The following TRHDE variants were observed in gnomAD, a reference collection of about 807,000 sequenced individuals.
TRHDE encodes thyrotropin-releasing hormone-degrading ectoenzyme.
Under a neutral mutation model 125.7 loss-of-function variants are expected in TRHDE, and 72 were observed. The observed-to-expected ratio is 0.57, with a 90% confidence interval of 0.47 to 0.70. The LOEUF is 0.70. Among genes scored for constraint, TRHDE ranks in the 30% least tolerant of loss-of-function variants. TRHDE has a pLI of 0.00. For missense variants in TRHDE, 1,110 were observed against 1,327.1 expected, an observed-to-expected ratio of 0.84 and a Z score of 2.54; for synonymous variants, 509 against 509.1, an observed-to-expected ratio of 1.00 and a Z score of 0.00.
At chr12:72,109,300 A>T (rs889620110) in intron 2 of TRHDE, among the ~76,000 whole-genome samples, 5 of 152,032 alleles carry the variant, frequency 3.3e-5, no homozygotes, top group Non-Finnish European at 5.9e-5. Context: ...ACTATAAAAG[A>T]TGCTATTTTT....
intron 2 of TRHDE, among the ~76,000 whole-genome samples, chr12:72,321,842 A>C (rs901559299): frequency 2.0e-5 from 3 of 151,994 alleles, no homozygotes; most frequent in African/African-American, 4.8e-5. Context: ...CTCTCTGCCT[A>C]GTTGTGGATA....
At chr12:72,376,254 C>A (rs112095975) in intron 2 of TRHDE, among the ~76,000 whole-genome samples, 17 of 152,296 alleles carry the variant, frequency 1.1e-4, no homozygotes, top group African/African-American at 3.8e-4. Context: ...AGTTTATTAT[C>A]CTCCATTTTC....
intron 2 of TRHDE, among the ~76,000 whole-genome samples, chr12:72,223,867 A>G (rs1878048324): frequency 2.0e-5 from 3 of 150,892 alleles, no homozygotes. Context: ...CCTCTAATTC[A>G]CCCTTGGCCA....
At chr12:72,249,550 C>G (rs551660205) in intron 2 of TRHDE, among the ~76,000 whole-genome samples, 1 of 152,038 alleles carries the variant, frequency 6.6e-6, no homozygotes, top group South Asian at 2.1e-4. Flanking sequence ...AGCTGGTAAG[C>G]ACATACAAAG....
intron 17 of TRHDE, among the ~76,000 whole-genome samples, chr12:72,654,218 C>T (rs1006028208): frequency 1.3e-5 from 2 of 152,102 alleles, no homozygotes; most frequent in Non-Finnish European, 2.9e-5. Flanking sequence ...TGTAAATCAG[C>T]GTTCAGGGCA....
In TRHDE at chr12:72,664,709, T is replaced by C. The variant is rs1419372664; in HGVS notation, c.*1514T>C. ...GTCTTATTTTCCTGAGGTTTTTCAC[T>C]CCACCAAATCTTACAAATCATTGAA... On this transcript the variant is annotated 3_prime_UTR_variant, in exon 19 of 19. Coordinates refer to ENST00000261180, the MANE Select transcript of TRHDE (RefSeq NM_013381.3). The C allele has an allele frequency of 6.6e-6, 1 of 152,080 alleles. No individual in the cohort carries two copies. The highest frequency in any genetic ancestry group is 2.4e-5 in the African/African-American group (1 of 41,440). 9.4% of individuals were successfully genotyped at this position (152,080 alleles called of 1,614,324 possible). A position where few individuals can be genotyped will look rare whatever the true frequency, so the allele number is the denominator to read the frequency against.
intron 6 of TRHDE, among the ~76,000 whole-genome samples, chr12:72,526,654 A>G (rs556553808): frequency 3.2e-4 from 49 of 152,248 alleles, no homozygotes; most frequent in Admixed American, 8.5e-4. Context: ...GCCATAGTTC[A>G]TCCTTTACTA....
At chr12:72,586,028 T>A (rs975511979) in intron 12 of TRHDE, among the ~76,000 whole-genome samples, 1 of 152,208 alleles carries the variant, frequency 6.6e-6, no homozygotes, top group Admixed American at 6.5e-5. Flanking sequence ...TAATCATCTT[T>A]CTTACTAAAC....
chr12:72,410,329 A>G (rs1376757980), intron 3 of TRHDE, among the ~76,000 whole-genome samples: 1 of 152,156 alleles, frequency 6.6e-6, no homozygotes, highest in Non-Finnish European at 1.5e-5. Flanking sequence ...TCTACCAAAC[A>G]GTAAAATAAT....
At chr12:72,276,978 G>T (rs543810323) in intron 1 of TRHDE, among the ~76,000 whole-genome samples, 1 of 152,278 alleles carries the variant, frequency 6.6e-6, no homozygotes, top group South Asian at 2.1e-4. Flanking sequence ...GCGCACCCGT[G>T]TTCAAAGTAG....
In TRHDE at chr12:72,665,389, T is replaced by C. The variant is rs1875077491; in HGVS notation, c.*2194T>C. The C allele has an allele frequency of 6.6e-6, 1 of 152,466 alleles. No homozygotes were observed. Among genetic ancestry groups the C allele is most frequent in the Admixed American group, 6.6e-5 (1 of 15,224 alleles). 9.4% of individuals were successfully genotyped at this position (152,466 alleles called of 1,614,324 possible). ...TTTATCTACAATCTCAAATCCTAAG[T>C]GTATAATTATGTGCAATGTTCAATA... On this transcript the variant is annotated 3_prime_UTR_variant, in exon 19 of 19. Transcript: ENST00000261180.
At chr12:72,384,058 A>C (rs993829086) in intron 3 of TRHDE, among the ~76,000 whole-genome samples, 4 of 152,212 alleles carry the variant, frequency 2.6e-5, no homozygotes, top group African/African-American at 9.6e-5. Context: ...ACCTGAAGAC[A>C]TGTGAGTATT....
intron 10 of TRHDE, among the ~76,000 whole-genome samples, chr12:72,573,111 A>G (rs1322557412): frequency 6.6e-6 from 1 of 151,946 alleles, no homozygotes; most frequent in Non-Finnish European, 1.5e-5. Context: ...AGACACTTAG[A>G]GATTAATTAA....
chr12:72,656,616 G>A lies in TRHDE; in HGVS notation c.2985-311G>A, dbSNP rs903968845. Among the ~76,000 whole-genome samples, 6 of 151,970 alleles carry A rather than the reference G, an allele frequency of 3.9e-5. No homozygotes were observed. In the East Asian group the frequency reaches 9.7e-4, roughly 24 times the overall value. ...AAAGTTTTAAAATATTTTGTTCTCA[G>A]GCCTTGGCTTGGAAATATACTGTTA... On this transcript the variant is annotated intron_variant, in intron 17 of 18. Coordinates refer to ENST00000261180, the MANE Select transcript of TRHDE (RefSeq NM_013381.3).
chr12:72,477,818 T>C (rs550434), intron 5 of TRHDE, among the ~76,000 whole-genome samples: 61,434 of 152,016 alleles, frequency 0.4, 15,560 homozygotes, highest in African/African-American at 0.71. Flanking sequence ...AGTCATATCC[T>C]CTGTGCATAG....
chr12:72,097,300 T>C (rs1319317169), intron 1 of TRHDE, among the ~76,000 whole-genome samples: 1 of 152,108 alleles, frequency 6.6e-6, no homozygotes, highest in East Asian at 1.9e-4. Flanking sequence ...AGTCAGGAGA[T>C]AGAGAAAGAG....
chr12:72,289,418 G>A (rs1007020295), intron 2 of TRHDE, among the ~76,000 whole-genome samples: 2 of 152,090 alleles, frequency 1.3e-5, no homozygotes, highest in African/African-American at 2.4e-5. Flanking sequence ...TACAGAGATT[G>A]CAAATTCAAG....
chr12:72,612,567 T>C (rs1288118108), intron 12 of TRHDE, among the ~76,000 whole-genome samples: 1 of 152,156 alleles, frequency 6.6e-6, no homozygotes, highest in Non-Finnish European at 1.5e-5. Flanking sequence ...CGGCTTATTT[T>C]CTGTAAACTT....
chr12:72,290,609 T>C lies in TRHDE; in HGVS notation c.1188+3655T>C, dbSNP rs114939870. Among the ~76,000 whole-genome samples, 309 of 152,262 alleles carry C rather than the reference T, an allele frequency of 2.0e-3. 1 individual carries two copies. The highest frequency in any genetic ancestry group is 6.9e-3 in the African/African-American group (287 of 41,554). ...GGGCCTCAGATGGGAAAGCAGGATG[T>C]TTGGGGTGTGACTTAACAGCTAGGG... On this transcript the variant is annotated intron_variant, in intron 2 of 18. Coordinates refer to ENST00000261180, the MANE Select transcript of TRHDE (RefSeq NM_013381.3).
Sources: gnomAD v4.1 joint callset for allele counts (sites outside exome capture counted in the v4.1 genomes callset) on GRCh38, gnomAD v4.1.1 for gene constraint, MANE v1.5 for transcripts, NCBI Gene and HGNC (gene_info 2026-07-23, HGNC 2026-07-21) for gene names.